Variants in GRM4 observed in about 807,000 individuals in gnomAD.
GRM4 encodes metabotropic glutamate receptor 4.
Under a neutral mutation model 81.7 loss-of-function variants are expected in GRM4, and 28 were observed. The ratio of observed to expected loss-of-function variants is 0.34; its 90% CI spans 0.25 to 0.47. The LOEUF (loss-of-function observed/expected upper bound fraction) is 0.47. GRM4 is among the 20% of genes least tolerant of loss of function. GRM4 has a pLI of 1.00. For missense variants in GRM4, 948 were observed against 1,290.0 expected, an observed-to-expected ratio of 0.73 and a Z score of 4.06; for synonymous variants, 488 against 528.8, an observed-to-expected ratio of 0.92 and a Z score of 1.06.
intron 3 of GRM4, among the ~76,000 whole-genome samples, chr6:34,076,725 T>C: frequency 6.6e-6 from 1 of 152,108 alleles, no homozygotes; most frequent in South Asian, 2.1e-4. Flanking sequence ...GCGAAGCTGA[T>C]GGACAGATGC....
rs116303831 is a variant in GRM4, at chr6:34,033,652, G to A, written c.2442+2016C>T. On this transcript the variant is annotated intron_variant, in intron 9 of 10. Transcript: ENST00000538487. Reference sequence around the variant, plus strand: ...GAGCTCAGACTGGCGCTCACAGCTCGCTCTTTCTTTCTCTCTCTTTCTTTC... The same window carrying A: ...GAGCTCAGACTGGCGCTCACAGCTCACTCTTTCTTTCTCTCTCTTTCTTTC... Among the ~76,000 whole-genome samples, 903 of 151,778 alleles carry A rather than the reference G, an allele frequency of 5.9e-3. 7 individuals are homozygous for A. Among genetic ancestry groups the A allele is most frequent in the African/African-American group, 0.021 (856 of 41,370 alleles).
rs766837393 is a variant in GRM4, at chr6:34,152,181, T to C, written c.312+2898A>G. On this transcript the variant is annotated intron_variant, in intron 1 of 8. Coordinates refer to the GRM4 transcript ENST00000374177. The surrounding 1 kb of genome is among the most constrained non-coding windows in gnomAD (Gnocchi z 4.1). ...ACTTAGGAAACTCCATGGACAATGT[T>C]TGCTCCTTCCCAAGCAGGACCCAGA... 2.8e-4 allele frequency among the ~76,000 whole-genome samples: 43 copies of C among 152,180 alleles called. No individual in the cohort carries two copies. The highest frequency in any genetic ancestry group is 5.0e-4 in the Non-Finnish European group (34 of 68,002).
intron 2 of GRM4, among the ~76,000 whole-genome samples, chr6:34,123,086 C>T (rs147703699): frequency 1.4e-4 from 21 of 152,196 alleles, no homozygotes; most frequent in African/African-American, 4.8e-4. Flanking sequence ...GAGAGGGCGG[C>T]CACGTTACCC....
At chr6:34,056,515 G>C in intron 6 of GRM4, 29 bp downstream of exon 6, 1 of 1,595,246 alleles carries the variant, frequency 6.3e-7, no homozygotes, top group Non-Finnish European at 8.6e-7. Flanking sequence ...CCTAGAGCCC[G>C]CCCGGCCCTG....
intron 10 of GRM4, among the ~76,000 whole-genome samples, chr6:34,025,896 G>A (rs1764108721): frequency 6.6e-6 from 1 of 152,130 alleles, no homozygotes; most frequent in Non-Finnish European, 1.5e-5. Context: ...AGAAGGACAG[G>A]GCTGGAATTA....
chr6:34,119,707 G>T (rs1401906013), intron 2 of GRM4, among the ~76,000 whole-genome samples: 1 of 152,180 alleles, frequency 6.6e-6, no homozygotes, highest in Non-Finnish European at 1.5e-5. Context: ...ACCACCTAAT[G>T]TCCATCATGA....
At position 34,114,522 on chromosome 6, in the gene GRM4, C is replaced by T. The variant is rs13214721; in HGVS notation, c.519+18456G>A. 0.075 allele frequency among the ~76,000 whole-genome samples: 11,431 copies of T among 152,146 alleles called. 898 individuals are homozygous for T. Among genetic ancestry groups the T allele is most frequent in the African/African-American group, 0.21 (8,520 of 41,448 alleles). ...CCAAATCCAAGCAGGCACCATCCTG[C>T]AGGATCAAGTCCACCTTCTTGACCT... On this transcript the variant is annotated intron_variant, in intron 2 of 10. Transcript: ENST00000538487. The surrounding 1 kb of genome is among the most constrained non-coding windows in gnomAD (Gnocchi z 4.3).
Position 34,111,163 on chromosome 6 carries a change from C to A in GRM4, c.520-19064G>T. On this transcript the variant is annotated intron_variant, in intron 2 of 10. Coordinates refer to ENST00000538487, the MANE Select transcript of GRM4 (RefSeq NM_000841.4). The surrounding 1 kb of genome is among the most constrained non-coding windows in gnomAD (Gnocchi z 5.1). ...CACACACACACACACACGCCAGGATCCAACCCTTCCAGGAGCTGGTGGAGG... is the reference window on the plus strand; with the variant it reads ...CACACACACACACACACGCCAGGATACAACCCTTCCAGGAGCTGGTGGAGG... 1 of 151,900 alleles carries A rather than the reference C, an allele frequency of 6.6e-6. No individual in the cohort carries two copies. The highest frequency in any genetic ancestry group is 1.4e-5 in the Non-Finnish European group (1 of 72,808). The allele number at this position is 151,900 out of a possible 1,614,324, so 9.4% of individuals were successfully genotyped here. A position where few individuals can be genotyped will look rare whatever the true frequency, so the allele number is the denominator to read the frequency against.
At chr6:34,081,379 G>A (rs1767584937) in intron 3 of GRM4, among the ~76,000 whole-genome samples, 1 of 152,224 alleles carries the variant, frequency 6.6e-6, no homozygotes, top group Admixed American at 6.5e-5. Flanking sequence ...GAGTCTCAGG[G>A]GTCTGTACAC....
At chr6:34,149,214 A>ATAAAC (rs369431278), upstream of GRM4, among the ~76,000 whole-genome samples, 4,597 of 152,292 alleles carry the variant, frequency 0.03, 141 homozygotes, top group Middle Eastern at 0.085. Flanking sequence ...ATTTGTTGAA[A>ATAAAC]TAAAGTGAGC....
intron 2 of GRM4, among the ~76,000 whole-genome samples, chr6:34,122,839 G>C (rs1296801382): frequency 6.6e-6 from 1 of 152,218 alleles, no homozygotes; most frequent in African/African-American, 2.4e-5. Flanking sequence ...ACTCAGAACT[G>C]TGGGGAGAGA....
chr6:34,149,712 T>G (rs1771008378), upstream of GRM4, among the ~76,000 whole-genome samples: 1 of 152,220 alleles, frequency 6.6e-6, no homozygotes, highest in Admixed American at 6.5e-5. Flanking sequence ...CCTGGGAATT[T>G]GCTCTTCCCT....
chr6:34,031,188 C>T (rs1032980576), intron 9 of GRM4, among the ~76,000 whole-genome samples: 2 of 152,310 alleles, frequency 1.3e-5, no homozygotes, highest in South Asian at 4.2e-4. Flanking sequence ...CGAGAGGCGG[C>T]CTTCGGGCTA....
intron 6 of GRM4, among the ~76,000 whole-genome samples, chr6:34,050,854 C>T (rs1273420997): frequency 6.6e-6 from 1 of 152,166 alleles, no homozygotes; most frequent in African/African-American, 2.4e-5. Context: ...CAGGACGGCT[C>T]CCCAGGGCAG....
intron 9 of GRM4, among the ~76,000 whole-genome samples, chr6:34,031,678 C>T (rs891127953): frequency 1.3e-5 from 2 of 152,216 alleles, no homozygotes; most frequent in Non-Finnish European, 2.9e-5. Context: ...GTGGAGAAAG[C>T]CCGCTCAGTG....
At position 34,048,710 on chromosome 6, in the gene GRM4, T is replaced by A. The variant is rs535454732; in HGVS notation, c.1168+7834A>T. Among the ~76,000 whole-genome samples, 102 of 152,140 alleles carry A rather than the reference T, an allele frequency of 6.7e-4. No homozygotes were observed. Among genetic ancestry groups the A allele is most frequent in the Non-Finnish European group, 1.3e-3 (90 of 67,976 alleles). Reference sequence around the variant, plus strand: ...AGGTGATTGGATCATGGGGGTGGATTTCCCCCATGCTGTTTTCATGATAGT... The same window carrying A: ...AGGTGATTGGATCATGGGGGTGGATATCCCCCATGCTGTTTTCATGATAGT... On this transcript the variant is annotated intron_variant, in intron 6 of 10. Transcript: ENST00000538487. This position sits in a 1 kb window ranked among gnomAD's most constrained non-coding sequence, Gnocchi z 4.0.
chr6:34,088,067 T>C (rs1232278751), intron 3 of GRM4, among the ~76,000 whole-genome samples: 1 of 152,022 alleles, frequency 6.6e-6, no homozygotes, highest in Non-Finnish European at 1.5e-5. Context: ...AGCCAGACCC[T>C]GACAAACCCT....
chr6:34,146,167 G>T (rs1002630577), upstream of GRM4: 1 of 984,864 alleles, frequency 1.0e-6, no homozygotes, highest in Middle Eastern at 5.2e-4. Flanking sequence ...CGCACGTGGC[G>T]TATGCCCCCA....
At chr6:34,061,857 G>C (rs1177633266) in intron 4 of GRM4, 36 bp downstream of exon 4, 1 of 1,593,654 alleles carries the variant, frequency 6.3e-7, no homozygotes, top group South Asian at 1.1e-5. Flanking sequence ...CACCTGCATG[G>C]CTCCCGGTGC....
Sources: allele counts gnomAD v4.1 joint callset (sites outside exome capture counted in the v4.1 genomes callset), GRCh38; gene constraint gnomAD v4.1.1; non-coding constraint Gnocchi (gnomAD v3.1); transcripts MANE v1.5; gene names NCBI Gene and HGNC (gene_info 2026-07-23, HGNC 2026-07-21).